The following CADM2 variants were observed in gnomAD, a reference collection of about 807,000 sequenced individuals.
CADM2 encodes the protein immunoglobulin superfamily member 4D.
In CADM2, 12 loss-of-function variants were observed where a neutral mutation model predicts 49.8. The ratio of observed to expected loss-of-function variants is 0.24; its 90% CI spans 0.15 to 0.39. CADM2 has a LOEUF of 0.39. Ranked by LOEUF, CADM2 falls within the 10% of genes least tolerant of loss-of-function variation. CADM2 has a pLI of 1.00. For missense variants in CADM2, 378 were observed against 492.3 expected, an observed-to-expected ratio of 0.77 and a Z score of 2.20; for synonymous variants, 214 against 175.4, an observed-to-expected ratio of 1.22 and a Z score of -1.74.
intron 1 of CADM2, among the ~76,000 whole-genome samples, chr3:85,119,979 C>A (rs1317516661): frequency 6.6e-6 from 1 of 152,050 alleles, no homozygotes; most frequent in African/African-American, 2.4e-5. Flanking sequence ...TGAACTTAAA[C>A]AAATTTACAA....
intron 3 of CADM2, among the ~76,000 whole-genome samples, chr3:85,807,940 C>T (rs2108107047): frequency 6.6e-6 from 1 of 152,212 alleles, no homozygotes; most frequent in East Asian, 1.9e-4. Flanking sequence ...CATTGTGGCA[C>T]AGGAGACAGA....
intron 3 of CADM2, among the ~76,000 whole-genome samples, chr3:85,855,082 G>T (rs192457304): frequency 2.0e-5 from 3 of 152,014 alleles, no homozygotes; most frequent in East Asian, 3.9e-4. Context: ...TGATTTTCAG[G>T]CTCCTCTTCC....
chr3:85,004,806 G>C (rs2033645811), intron 1 of CADM2, among the ~76,000 whole-genome samples: 1 of 152,114 alleles, frequency 6.6e-6, no homozygotes, highest in East Asian at 1.9e-4. Flanking sequence ...ATATGGGATA[G>C]TGTTCATGGA....
intron 1 of CADM2, among the ~76,000 whole-genome samples, chr3:85,049,330 T>TATTTATTC (rs2035788604): frequency 1.5e-5 from 1 of 65,662 alleles, no homozygotes. Context: ...AGGTTTAGTT[T>TATTTATTC]ATTTATTTAT....
At chr3:85,787,844 C>T (rs1329080049) in intron 2 of CADM2, among the ~76,000 whole-genome samples, 1 of 152,098 alleles carries the variant, frequency 6.6e-6, no homozygotes, top group South Asian at 2.1e-4. Flanking sequence ...TTTTCTGCCT[C>T]ATCTTGGGCT....
chr3:85,935,702 A>G (rs1379734313), intron 6 of CADM2, 65 bp from the exon 7 acceptor site: 2 of 752,364 alleles, frequency 2.7e-6, no homozygotes, highest in Admixed American at 2.2e-5. Flanking sequence ...AGCATGATGC[A>G]CAGTTATTAA....
intron 1 of CADM2, among the ~76,000 whole-genome samples, chr3:85,709,850 A>T (rs1159178812): frequency 6.6e-6 from 1 of 152,096 alleles, no homozygotes; most frequent in Non-Finnish European, 1.5e-5. Flanking sequence ...ATCTCTTTGA[A>T]AAGGGGGTTT....
chr3:85,669,151 T>C (rs529769813), intron 1 of CADM2, among the ~76,000 whole-genome samples: 4 of 152,200 alleles, frequency 2.6e-5, no homozygotes, highest in South Asian at 4.1e-4. Flanking sequence ...ATTTTTAGTA[T>C]TCTTCTTGTT....
At chr3:85,666,484 G>T (rs2065572948) in intron 1 of CADM2, among the ~76,000 whole-genome samples, 1 of 151,804 alleles carries the variant, frequency 6.6e-6, no homozygotes, top group African/African-American at 2.4e-5. Flanking sequence ...TGTAACAAAA[G>T]AGAGATTAAG....
At chr3:85,530,865 A>AAC in intron 1 of CADM2, among the ~76,000 whole-genome samples, 1 of 89,688 alleles carries the variant, frequency 1.1e-5, no homozygotes. Flanking sequence ...TTTATGTAAA[A>AAC]ATACACACAC....
chr3:85,187,361 A>T (rs1030994263), intron 1 of CADM2, among the ~76,000 whole-genome samples: 1 of 152,150 alleles, frequency 6.6e-6, no homozygotes, highest in Non-Finnish European at 1.5e-5. Flanking sequence ...TATAATATTA[A>T]TGATTTTTTC....
At chr3:85,468,666 A>G (rs2038630499) in intron 1 of CADM2, among the ~76,000 whole-genome samples, 1 of 152,172 alleles carries the variant, frequency 6.6e-6, no homozygotes, top group Admixed American at 6.5e-5. Context: ...GTTTCATTAT[A>G]CATCATTTCA....
intron 3 of CADM2, among the ~76,000 whole-genome samples, chr3:85,859,448 C>T (rs1427136875): frequency 6.6e-6 from 1 of 151,778 alleles, no homozygotes; most frequent in Non-Finnish European, 1.5e-5. Flanking sequence ...GCCAGGCTGG[C>T]CTCAAACTCC....
At chr3:85,542,379 T>C (rs952323716) in intron 1 of CADM2, among the ~76,000 whole-genome samples, 1 of 152,214 alleles carries the variant, frequency 6.6e-6, no homozygotes, top group Non-Finnish European at 1.5e-5. Flanking sequence ...CTAGACATCA[T>C]GCTAGATACT....
intron 1 of CADM2, among the ~76,000 whole-genome samples, chr3:85,166,211 T>C (rs1006565486): frequency 4.6e-5 from 7 of 151,848 alleles, no homozygotes; most frequent in African/African-American, 1.2e-4. Flanking sequence ...AATGTGCTAA[T>C]CTTTAGAAGA....
At chr3:86,012,522 C>T in intron 8 of CADM2, 1 of 1,328,318 alleles carries the variant, frequency 7.5e-7, no homozygotes, top group African/African-American at 1.5e-5. Context: ...CTGAGGAGGC[C>T]GGGAGCGGAG....
chr3:85,817,388 C>G (rs1001190832), intron 3 of CADM2, among the ~76,000 whole-genome samples: 1 of 140,712 alleles, frequency 7.1e-6, no homozygotes, highest in African/African-American at 2.6e-5. Context: ...CTTTCAAAGT[C>G]CCATCAAATA....
intron 1 of CADM2, among the ~76,000 whole-genome samples, chr3:85,636,819 A>G (rs1027781515): frequency 6.6e-6 from 1 of 152,234 alleles, no homozygotes; most frequent in Non-Finnish European, 1.5e-5. Context: ...AACATGCTGT[A>G]TAAGTTTGTA....
intron 5 of CADM2, among the ~76,000 whole-genome samples, chr3:85,899,895 C>G (rs1027697130): frequency 6.6e-6 from 1 of 152,048 alleles, no homozygotes; most frequent in Admixed American, 6.6e-5. Context: ...AGTTCTTAAG[C>G]GAATACTGGG....
Sources: gnomAD v4.1 joint callset for allele counts (sites outside exome capture counted in the v4.1 genomes callset) on GRCh38, gnomAD v4.1.1 for gene constraint, MANE v1.5 for transcripts, NCBI Gene and HGNC (gene_info 2026-07-23, HGNC 2026-07-21) for gene names.